The following HEATR4 variants were observed in gnomAD, a reference collection of about 807,000 sequenced individuals.
The protein encoded by HEATR4 is HEAT repeat containing 4.
A neutral mutation model predicts 108.8 loss-of-function variants in HEATR4; 95 were observed. The ratio of observed to expected loss-of-function variants is 0.87; its 90% CI spans 0.74 to 1.04. HEATR4 has a LOEUF of 1.04. Ranked by LOEUF, HEATR4 falls within the 50% of genes least tolerant of loss-of-function variation. The pLI, the probability that HEATR4 is intolerant of heterozygous loss-of-function variation, is 0.00. For synonymous variants in HEATR4, 443 were observed against 459.4 expected, an observed-to-expected ratio of 0.96 and a Z score of 0.46; for missense variants, 1,152 against 1,253.8, an observed-to-expected ratio of 0.92 and a Z score of 1.23.
At chr14:73,560,783 C>A (rs753929162), upstream of HEATR4, among the ~76,000 whole-genome samples, 12 of 151,978 alleles carry the variant, frequency 7.9e-5, no homozygotes, top group African/African-American at 1.2e-4. Context: ...CACTACTGCA[C>A]CCCAGCCTCA....
chr14:73,554,428 A>C lies in HEATR4; in HGVS notation c.-152+4323T>G, dbSNP rs1431812825. The stretch of plus-strand genomic sequence containing the variant: ...CCATATTATACCCAAAGTTCGTTTA[A>C]AAAATATTTCCATCAACTATTTTTA... On this transcript the variant is annotated intron_variant, in intron 1 of 17. Transcript: ENST00000553558. 3.4e-5 allele frequency among the ~76,000 whole-genome samples: 4 copies of C among 116,104 alleles called. 1 individual carries two copies. The highest frequency in any genetic ancestry group is 5.7e-5 in the Non-Finnish European group (3 of 52,592). 76.2% of individuals were successfully genotyped at this position (116,104 alleles called of 152,430 possible). A position where few individuals can be genotyped will look rare whatever the true frequency, so the allele number is the denominator to read the frequency against.
intron 1 of HEATR4, chr14:73,537,892 G>T: frequency 1.7e-6 from 2 of 1,180,348 alleles, no homozygotes; most frequent in Non-Finnish European, 2.2e-6. Context: ...ACTCACCTCC[G>T]CTAATTGTTC....
the HEATR4 span, chr14:73,612,373 A>G: frequency 2.4e-6 from 1 of 417,076 alleles, no homozygotes; most frequent in Non-Finnish European, 4.2e-6. Flanking sequence ...TTCAGCAGAT[A>G]CTCTTTCATT....
rs373901476 is a variant in HEATR4, at chr14:73,492,808, G to C, written c.2844+258C>G. ...CCCAGCAAGCTGATGCCATGGAACT[G>C]TTGCTTGGTTCTTATCCAGAGTTTG... On this transcript the variant is annotated intron_variant, in intron 17 of 17. Transcript: ENST00000553558. This position sits in a 1 kb window ranked among gnomAD's most constrained non-coding sequence, Gnocchi z 4.9. 30 of 1,613,846 alleles carry C rather than the reference G, an allele frequency of 1.9e-5. No homozygotes were observed. The East Asian group carries it at 4.5e-4, about 24-fold the overall frequency.
At chr14:73,575,530 T>A in the HEATR4 span, 1 of 1,499,518 alleles carries the variant, frequency 6.7e-7, no homozygotes, top group Non-Finnish European at 8.9e-7. Flanking sequence ...TTTGATCATG[T>A]GGCCTCTCTG....
At chr14:73,583,254 C>T in the HEATR4 span, among the ~76,000 whole-genome samples, 1,625 of 151,204 alleles carry the variant, frequency 0.011, 33 homozygotes, top group African/African-American at 0.037. Context: ...GAGGCTGAGG[C>T]AGGAGAATCA....
chr14:73,616,404 A>C, the HEATR4 span, among the ~76,000 whole-genome samples: 1 of 151,964 alleles, frequency 6.6e-6, no homozygotes, highest in Non-Finnish European at 1.5e-5. Flanking sequence ...ATCATTAAAA[A>C]GTTTTAGGCC....
the HEATR4 span, chr14:73,592,012 C>G: frequency 2.8e-6 from 4 of 1,433,886 alleles, no homozygotes; most frequent in Non-Finnish European, 3.6e-6. Flanking sequence ...TGGAACGAGC[C>G]GGTGCGCATT....
In HEATR4 at chr14:73,554,066, G is replaced by A. The variant is rs1480986916; in HGVS notation, c.-152+4685C>T. 5.2e-5 allele frequency among the ~76,000 whole-genome samples: 6 copies of A among 114,306 alleles called. 1 individual carries two copies. The highest frequency in any genetic ancestry group is 7.7e-5 in the Non-Finnish European group (4 of 51,958). The allele number at this position is 114,306 out of a possible 152,430, so 75.0% of individuals were successfully genotyped here. ...CATGGTGGCTTACTCATGTAATCAC[G>A]GCACTTCGGGAGCCCAAGGCAGGCA... On this transcript the variant is annotated intron_variant, in intron 1 of 17. Coordinates refer to ENST00000553558, the MANE Select transcript of HEATR4 (RefSeq NM_001220484.1).
chr14:73,574,803 C>T, the HEATR4 span: 2 of 1,583,694 alleles, frequency 1.3e-6, no homozygotes, highest in East Asian at 4.5e-5. Context: ...ATGGTAGAAC[C>T]TAGATTCAGA....
chr14:73,603,070 C>T, the HEATR4 span, among the ~76,000 whole-genome samples: 1 of 133,140 alleles, frequency 7.5e-6, no homozygotes, highest in Non-Finnish European at 1.7e-5. Flanking sequence ...ACAATGATGA[C>T]TCTTAGCAAT....
chr14:73,628,823 T>C, the HEATR4 span, among the ~76,000 whole-genome samples: 1 of 151,066 alleles, frequency 6.6e-6, no homozygotes, highest in Non-Finnish European at 1.5e-5. Flanking sequence ...AAGCCGAGGC[T>C]GGTGGATGAC....
At chr14:73,509,866 A>ATATATATTTATATATT (rs1566832362) in intron 7 of HEATR4, among the ~76,000 whole-genome samples, 2 of 67,524 alleles carry the variant, frequency 3.0e-5, no homozygotes, top group African/African-American at 1.3e-4. Context: ...ATATATATAT[A>ATATATATTTATATATT]TATTTATTTA....
rs1885109414 is a variant in HEATR4, at chr14:73,478,676, T to C, written c.3011A>G (p.Lys1004Arg). ...RSDYPALYLG[K>R]FSERTFFSPI... Reference sequence around the variant, plus strand: ...AGAAAAAAATGTTCTCTCTGAGAATTTACCCAGATAAAGAGCTGGGTAGTC... The same window carrying C: ...AGAAAAAAATGTTCTCTCTGAGAATCTACCCAGATAAAGAGCTGGGTAGTC... Residue 1004 changes from lysine (K) to arginine (R), a missense_variant, in exon 18 of 18, where the codon AAA becomes AGA. Physicochemically the swap from Lys to Arg is conservative, Grantham distance 26. Transcript: ENST00000553558. 6.2e-7 allele frequency: 1 copy of C among 1,613,710 alleles called. No homozygotes were observed. Among genetic ancestry groups the C allele is most frequent in the South Asian group, 1.1e-5 (1 of 91,056 alleles).
chr14:73,491,385 T>G (rs1885722899), intron 17 of HEATR4: 1 of 1,353,390 alleles, frequency 7.4e-7, no homozygotes, highest in Non-Finnish European at 9.4e-7. Flanking sequence ...GCGCGCCTGG[T>G]GCCCGCTTCC....
the HEATR4 span, among the ~76,000 whole-genome samples, chr14:73,586,210 A>G: frequency 6.6e-6 from 1 of 151,224 alleles, no homozygotes; most frequent in Non-Finnish European, 1.5e-5. Flanking sequence ...CCTGACCAAC[A>G]TGAAGAAACC....
Position 73,478,715 on chromosome 14 carries a change from C to T in HEATR4, c.2972G>A (p.Gly991Glu), listed in dbSNP as rs150091916. ...AGCTGGGTAGTCGGATCTAAATGGT[C>T]CCACAGCAATCCTTTTCTCGGGGGA... ...RTSPEKRIAV[G>E]PFRSDYPALY... Residue 991 changes from glycine (G) to glutamate (E), a missense_variant, in exon 18 of 18, where the codon GGA becomes GAA. Physicochemically the swap from Gly to Glu is moderately conservative, Grantham distance 98. Transcript: ENST00000553558. 5 of 1,613,600 alleles carry T rather than the reference C, an allele frequency of 3.1e-6. No homozygotes were observed. The African/African-American group carries it at 6.7e-5, about 22-fold the overall frequency.
intron 17 of HEATR4, among the ~76,000 whole-genome samples, chr14:73,481,273 T>C (rs1885245154): frequency 6.6e-6 from 1 of 151,642 alleles, no homozygotes; most frequent in Admixed American, 6.6e-5. Flanking sequence ...ACCCCATCTT[T>C]ACTAAAAATA....
chr14:73,585,396 G>A, the HEATR4 span, among the ~76,000 whole-genome samples: 2 of 151,926 alleles, frequency 1.3e-5, no homozygotes, highest in African/African-American at 4.8e-5. Flanking sequence ...TAATACTATC[G>A]CATTGAGGCT....
Sources: gnomAD v4.1 joint callset for allele counts (sites outside exome capture counted in the v4.1 genomes callset) on GRCh38, gnomAD v4.1.1 for gene constraint, Gnocchi (gnomAD v3.1) non-coding constraint, MANE v1.5 for transcripts, NCBI Gene and HGNC (gene_info 2026-07-23, HGNC 2026-07-21) for gene names.